Variants in GABRR2 observed in about 807,000 individuals in gnomAD.
The protein encoded by GABRR2 is gamma-aminobutyric acid type A receptor subunit rho2.
GABRR2 carries 36 observed loss-of-function variants against 47.0 expected under a neutral mutation model. That is an observed-to-expected ratio of 0.77 (90% CI 0.59 to 1.01). The LOEUF (loss-of-function observed/expected upper bound fraction) is 1.01, where lower values mean the gene tolerates loss of function less well. Among genes scored for constraint, GABRR2 ranks in the 50% least tolerant of loss-of-function variants. The pLI is 0.00. For synonymous variants in GABRR2, 204 were observed against 227.5 expected (o/e 0.90, Z 0.93); for missense variants, 587 against 594.6 (o/e 0.99, Z 0.13).
intron 8 of GABRR2, among the ~76,000 whole-genome samples, chr6:89,261,476 C>A (rs945729181): frequency 1.3e-5 from 2 of 152,158 alleles, no homozygotes; most frequent in Non-Finnish European, 2.9e-5. Context: ...CATGACGAGA[C>A]AAGAGGCTGA....
chr6:89,264,341 C>CCCCGG (rs1773826895), intron 8 of GABRR2, 71 bp downstream of exon 8: 2 of 1,504,872 alleles, frequency 1.3e-6, no homozygotes, highest in East Asian at 4.8e-5. Flanking sequence ...TGCCTCTGCC[C>CCCCGG]CCTGGCCCAG....
chr6:89,263,355 G>A (rs912378111), intron 8 of GABRR2, among the ~76,000 whole-genome samples: 2 of 152,130 alleles, frequency 1.3e-5, no homozygotes, highest in Non-Finnish European at 1.5e-5. Flanking sequence ...TATCAGTAAG[G>A]CTTCCAGTCA....
chr6:89,310,274 C>A (rs1767658335), intron 1 of GABRR2, among the ~76,000 whole-genome samples: 1 of 152,200 alleles, frequency 6.6e-6, no homozygotes, highest in Admixed American at 6.5e-5. Context: ...CTCTTGCCTA[C>A]TTATGCCCAA....
chr6:89,261,242 GT>G (rs1301279202), intron 8 of GABRR2, among the ~76,000 whole-genome samples: 1 of 152,162 alleles, frequency 6.6e-6, no homozygotes, highest in African/African-American at 2.4e-5. Flanking sequence ...TTTAAATATG[GT>G]CCAAAGTCCT....
chr6:89,310,745 G>A (rs1767666501), intron 1 of GABRR2, among the ~76,000 whole-genome samples: 1 of 151,444 alleles, frequency 6.6e-6, no homozygotes, highest in African/African-American at 2.4e-5. Context: ...GCGGGAGGGG[G>A]TGGGGGGTGT....
intron 2 of GABRR2, among the ~76,000 whole-genome samples, chr6:89,292,813 GATAT>G (rs1774489959): frequency 8.4e-5 from 1 of 11,928 alleles, no homozygotes; most frequent in South Asian, 2.2e-3. Context: ...TCGTATATAC[GATAT>G]ATCGTATATA....
At chr6:89,269,455 C>A (rs1048357970) in intron 3 of GABRR2, 8 of 553,606 alleles carry the variant, frequency 1.4e-5, no homozygotes, top group Non-Finnish European at 2.6e-5. Flanking sequence ...GAGCAACCAG[C>A]CCCTCAGGCT....
At chr6:89,277,968 G>A (rs1774196149) in intron 2 of GABRR2, among the ~76,000 whole-genome samples, 2 of 152,142 alleles carry the variant, frequency 1.3e-5, no homozygotes, top group East Asian at 1.9e-4. Flanking sequence ...ACTCTACTTC[G>A]AGAAATGTAT....
At chr6:89,276,835 G>C (rs964561495) in intron 2 of GABRR2, among the ~76,000 whole-genome samples, 2 of 152,078 alleles carry the variant, frequency 1.3e-5, no homozygotes, top group Non-Finnish European at 2.9e-5. Flanking sequence ...TATACCAGCA[G>C]AGTTTTAAAA....
chr6:89,311,580 C>T (rs544636605), intron 1 of GABRR2, among the ~76,000 whole-genome samples: 4 of 152,306 alleles, frequency 2.6e-5, no homozygotes, highest in African/African-American at 9.6e-5. Context: ...AACCTCAAAC[C>T]CGGCCTTTGG....
chr6:89,298,645 G>A (rs1774596978), intron 2 of GABRR2, among the ~76,000 whole-genome samples: 1 of 152,212 alleles, frequency 6.6e-6, no homozygotes, highest in African/African-American at 2.4e-5. Context: ...AAGAGGAGAG[G>A]AAAGTTGGCC....
intron 2 of GABRR2, among the ~76,000 whole-genome samples, chr6:89,294,214 G>A (rs768541413): frequency 8.5e-5 from 13 of 152,178 alleles, no homozygotes; most frequent in Non-Finnish European, 1.8e-4. Flanking sequence ...GCGCAATCTC[G>A]GCTCACTGCA....
chr6:89,271,814 A>T, intron 2 of GABRR2, 92 bp from the exon 3 acceptor site: 1 of 1,007,150 alleles, frequency 9.9e-7, no homozygotes, highest in Middle Eastern at 2.0e-4. Context: ...GGGAGCCAGG[A>T]CTGGAGCAGA....
chr6:89,260,517 A>G (rs1336506623), intron 8 of GABRR2, among the ~76,000 whole-genome samples: 1 of 152,190 alleles, frequency 6.6e-6, no homozygotes, highest in African/African-American at 2.4e-5. Context: ...GAGGGGAGGT[A>G]AGCCCTGGGC....
At position 89,257,875 on chromosome 6, in the gene GABRR2, A is replaced by G; in HGVS notation, c.1193T>C (p.Leu398Pro). The change falls in exon 9 of 9, where the codon CTG becomes CCG. Residue 398 changes from leucine (L) to proline (P), a missense_variant. By Grantham distance (98) the Leu-to-Pro change is moderately conservative. Coordinates refer to ENST00000402938, the MANE Select transcript of GABRR2 (RefSeq NM_002043.5). Reference sequence around the variant, plus strand: ...TTTGTCTTGCCTTTCTTCTTCTGTCAGGATATGGCTTCTGGGGTACCCAGC... The same window carrying G: ...TTTGTCTTGCCTTTCTTCTTCTGTCGGGATATGGCTTCTGGGGTACCCAGC... ...SLAGYPRSHILTEEERQDKIV... is the reference protein window; with the variant it reads ...SLAGYPRSHIPTEEERQDKIV... 6.2e-7 allele frequency: 1 copy of G among 1,614,052 alleles called. No individual in the cohort carries two copies.
chr6:89,301,993 G>A (rs1767450510), intron 1 of GABRR2: 2 of 736,138 alleles, frequency 2.7e-6, no homozygotes, highest in African/African-American at 1.7e-5. Context: ...TGGAGCCCGG[G>A]ACCATGGACA....
At chr6:89,310,552 A>T (rs1203961136) in intron 1 of GABRR2, among the ~76,000 whole-genome samples, 3 of 152,064 alleles carry the variant, frequency 2.0e-5, no homozygotes, top group African/African-American at 7.2e-5. Context: ...TTAAATTGTC[A>T]TCAACATGCT....
At chr6:89,286,723 G>A (rs777050790) in intron 2 of GABRR2, among the ~76,000 whole-genome samples, 2 of 152,170 alleles carry the variant, frequency 1.3e-5, no homozygotes, top group Non-Finnish European at 2.9e-5. Flanking sequence ...AGACTGCCAC[G>A]AGGGTGGGTG....
In GABRR2 at chr6:89,257,616, C is replaced by T; in HGVS notation, c.*54G>A. ...GGTCAACAAGTCCGTCTGTCAATGA[C>T]TGGCCAGGCCCCCTCGATGTCTATG... On this transcript the variant is annotated 3_prime_UTR_variant, in exon 9 of 9. Transcript: ENST00000402938. 1 of 1,433,930 alleles carries T rather than the reference C, an allele frequency of 7.0e-7. No homozygotes were observed. Among genetic ancestry groups the T allele is most frequent in the East Asian group, 2.4e-5 (1 of 42,434 alleles). 88.8% of individuals were successfully genotyped at this position (1,433,930 alleles called of 1,614,324 possible). A position where few individuals can be genotyped will look rare whatever the true frequency, so the allele number is the denominator to read the frequency against.
Sources: gnomAD v4.1 joint callset for allele counts (sites outside exome capture counted in the v4.1 genomes callset) on GRCh38, gnomAD v4.1.1 for gene constraint, MANE v1.5 for transcripts, NCBI Gene and HGNC (gene_info 2026-07-23, HGNC 2026-07-21) for gene names.